Variants in SNTG1 observed in about 807,000 individuals in gnomAD.
SNTG1 encodes syntrophin gamma 1, also known as gamma-1-syntrophin.
A neutral mutation model predicts 74.7 loss-of-function variants in SNTG1; 39 were observed. That is an observed-to-expected ratio of 0.52 (90% CI 0.40 to 0.68). The LOEUF (loss-of-function observed/expected upper bound fraction) is 0.68. SNTG1 is among the 30% of genes least tolerant of loss of function. SNTG1 has a pLI of 0.00. For missense variants in SNTG1, 685 were observed against 609.5 expected (o/e 1.12, Z -1.30); for synonymous variants, 254 against 217.1 (o/e 1.17, Z -1.49).
intron 13 of SNTG1, among the ~76,000 whole-genome samples, chr8:50,621,787 T>A (rs1028058873): frequency 1.3e-5 from 2 of 152,222 alleles, no homozygotes; most frequent in Non-Finnish European, 1.5e-5. Flanking sequence ...TTTAGCATCA[T>A]GATAACCTAT....
chr8:50,299,088 G>A (rs978717638), intron 2 of SNTG1, among the ~76,000 whole-genome samples: 1 of 152,168 alleles, frequency 6.6e-6, no homozygotes, highest in Admixed American at 6.6e-5. Flanking sequence ...AATTGCTAAT[G>A]TTAAGTATGA....
chr8:50,126,260 A>C (rs926303765), intron 1 of SNTG1, among the ~76,000 whole-genome samples: 6 of 152,120 alleles, frequency 3.9e-5, no homozygotes, highest in Non-Finnish European at 8.8e-5. Flanking sequence ...AGGCCTTTGG[A>C]CTCAGACTGG....
chr8:50,086,754 G>T (rs1053078202), intron 1 of SNTG1, among the ~76,000 whole-genome samples: 2 of 152,172 alleles, frequency 1.3e-5, no homozygotes, highest in East Asian at 3.9e-4. Flanking sequence ...TATGGTCTTA[G>T]TGACCATCAG....
chr8:50,779,778 G>C (rs912659314), intron 18 of SNTG1, among the ~76,000 whole-genome samples: 2 of 151,842 alleles, frequency 1.3e-5, no homozygotes, highest in Non-Finnish European at 2.9e-5. Context: ...CCTGTCTTGT[G>C]CCAGTTTTCA....
chr8:50,571,868 G>A (rs2094550783), intron 12 of SNTG1, among the ~76,000 whole-genome samples: 2 of 152,116 alleles, frequency 1.3e-5, no homozygotes, highest in Non-Finnish European at 2.9e-5. Context: ...TGAGTGGGCA[G>A]TTGCTCCACT....
intron 18 of SNTG1, among the ~76,000 whole-genome samples, chr8:50,758,360 G>T (rs1464028580): frequency 6.6e-6 from 1 of 151,910 alleles, no homozygotes; most frequent in East Asian, 1.9e-4. Flanking sequence ...AGAGATAAAT[G>T]TGCAGAATGT....
At chr8:50,732,397 G>A (rs1292667142) in intron 17 of SNTG1, among the ~76,000 whole-genome samples, 1 of 151,764 alleles carries the variant, frequency 6.6e-6, no homozygotes, top group Non-Finnish European at 1.5e-5. Flanking sequence ...TTTGTTACAG[G>A]TGTCTTTGTT....
At chr8:50,006,236 C>A (rs1227245439) in intron 1 of SNTG1, among the ~76,000 whole-genome samples, 1 of 152,130 alleles carries the variant, frequency 6.6e-6, no homozygotes, top group African/African-American at 2.4e-5. Context: ...GCTGGGATTA[C>A]AGGCGTGAGC....
intron 15 of SNTG1, among the ~76,000 whole-genome samples, chr8:50,704,350 T>C (rs2095436283): frequency 6.6e-6 from 1 of 152,182 alleles, no homozygotes; most frequent in African/African-American, 2.4e-5. Context: ...GGTGGTTATA[T>C]TGTTAGTAAG....
chr8:50,218,817 T>G (rs530648813), intron 2 of SNTG1, among the ~76,000 whole-genome samples: 92 of 152,286 alleles, frequency 6.0e-4, no homozygotes, highest in African/African-American at 2.2e-3. Flanking sequence ...CCTCTTTATG[T>G]AGAGTTGAGT....
intron 2 of SNTG1, among the ~76,000 whole-genome samples, chr8:50,369,602 G>GAAAAA (rs71233488): frequency 7.2e-6 from 1 of 139,124 alleles, no homozygotes; most frequent in Non-Finnish European, 1.6e-5. Context: ...GTCCCAAAAA[G>GAAAAA]AAAAAAAAAA....
In SNTG1 at chr8:50,438,616, GTC is replaced by G; in HGVS notation, c.219+19_219+20del. 6.2e-7 allele frequency: 1 copy of G among 1,605,278 alleles called. No homozygotes were observed. On this transcript the variant is annotated intron_variant, in intron 5 of 18. Transcript: ENST00000642720. ...AGCATAAAGGTAGCCTGCCTTTCTA[GTC>G]TATCCTTACAAAGGCCATGCCATAA...
In SNTG1 at chr8:50,443,139, C is replaced by T. The variant is rs532168928; in HGVS notation, c.219+4540C>T. Among the ~76,000 whole-genome samples, 6 of 152,344 alleles carry T rather than the reference C, an allele frequency of 3.9e-5. No individual in the cohort carries two copies. The East Asian group carries it at 7.7e-4, about 20-fold the overall frequency. On this transcript the variant is annotated intron_variant, in intron 5 of 18. Coordinates refer to ENST00000642720, the MANE Select transcript of SNTG1 (RefSeq NM_018967.5). ...TTGTATTTTGCCTTATTCTTCCTAT[C>T]GGGATTACCATAGGGATAGTCATGT...
intron 1 of SNTG1, among the ~76,000 whole-genome samples, chr8:50,102,579 C>G (rs2131243209): frequency 6.8e-6 from 1 of 146,536 alleles, no homozygotes; most frequent in East Asian, 2.0e-4. Context: ...TCCCATTTGT[C>G]AATTTTGGCT....
Position 50,102,021 on chromosome 8 carries a change from G to A in SNTG1, c.-102-70540G>A, listed in dbSNP as rs952663297. On this transcript the variant is annotated intron_variant, in intron 1 of 18. Transcript: ENST00000642720. ...GTGAATAGTGCCGCAATAAACATAC[G>A]TGTGCATGTGTCTTTATAGCAGCAT... Among the ~76,000 whole-genome samples, 231 of 152,102 alleles carry A rather than the reference G, an allele frequency of 1.5e-3. 1 individual carries two copies. The highest frequency in any genetic ancestry group is 5.1e-3 in the African/African-American group (213 of 41,488).
At chr8:50,576,779 A>C (rs1456176186) in intron 12 of SNTG1, among the ~76,000 whole-genome samples, 1 of 152,116 alleles carries the variant, frequency 6.6e-6, no homozygotes, top group Non-Finnish European at 1.5e-5. Context: ...TATTACATAG[A>C]AATGCAATTT....
rs552254698 is a variant in SNTG1, at chr8:50,339,502, A to G, written c.-27-54710A>G. ...ATGAATTACAGCCATGTTATAAGAG[A>G]TAAGGAAGGTGAGGTTTTGAATATT... is the stretch of plus-strand genomic sequence containing the variant. On this transcript the variant is annotated intron_variant, in intron 2 of 18. Coordinates refer to ENST00000642720, the MANE Select transcript of SNTG1 (RefSeq NM_018967.5). Among the ~76,000 whole-genome samples, 11 of 152,146 alleles carry G rather than the reference A, an allele frequency of 7.2e-5. No individual in the cohort carries two copies. The East Asian group carries it at 1.7e-3, about 24-fold the overall frequency.
In SNTG1 at chr8:50,787,497, A is replaced by G. The variant is rs141609923; in HGVS notation, c.1396-5174A>G. Among the ~76,000 whole-genome samples the G allele has an allele frequency of 2.6e-3, 389 of 152,084 alleles. 2 individuals carry two copies. The highest frequency in any genetic ancestry group is 9.0e-3 in the African/African-American group (376 of 41,554). On this transcript the variant is annotated intron_variant, in intron 18 of 18. Transcript: ENST00000642720. ...TGACCCAGCAATTCCACTTCTAGAT[A>G]TATTCAAGAGCAATTAGAAGATATT... is the stretch of plus-strand genomic sequence containing the variant.
At chr8:50,159,748 A>AG (rs1360410045) in intron 1 of SNTG1, among the ~76,000 whole-genome samples, 1 of 152,144 alleles carries the variant, frequency 6.6e-6, no homozygotes, top group African/African-American at 2.4e-5. Context: ...ACCTGAGCCT[A>AG]GTGTTTCTAT....
Sources: allele counts gnomAD v4.1 joint callset (sites outside exome capture counted in the v4.1 genomes callset), GRCh38; gene constraint gnomAD v4.1.1; transcripts MANE v1.5; gene names NCBI Gene and HGNC (gene_info 2026-07-23, HGNC 2026-07-21).